The following KCND2 variants were observed in gnomAD, a reference collection of about 807,000 sequenced individuals.
The protein encoded by KCND2 is potassium voltage-gated channel subfamily D member 2.
Under a neutral mutation model 54.4 loss-of-function variants are expected in KCND2, and 16 were observed. That is an observed-to-expected ratio of 0.29 (90% confidence interval 0.20 to 0.45). KCND2 has a LOEUF of 0.45. KCND2 is among the 20% of genes least tolerant of loss of function. The pLI is 1.00. For synonymous variants in KCND2, 317 were observed against 310.7 expected (o/e 1.02, Z -0.21); for missense variants, 486 against 824.2 (o/e 0.59, Z 5.02).
intron 1 of KCND2, among the ~76,000 whole-genome samples, chr7:120,360,279 T>C (rs1800574795): frequency 6.6e-6 from 1 of 152,128 alleles, no homozygotes; most frequent in South Asian, 2.1e-4. Flanking sequence ...GTACATGTCT[T>C]GATATCAAGG....
At chr7:120,294,534 A>G (rs1346545622) in intron 1 of KCND2, among the ~76,000 whole-genome samples, 1 of 151,742 alleles carries the variant, frequency 6.6e-6, no homozygotes, top group East Asian at 1.9e-4. Flanking sequence ...AAAAGTTATG[A>G]TTATGAAATA....
chr7:120,681,356 T>C (rs1792135846), intron 1 of KCND2, among the ~76,000 whole-genome samples: 1 of 152,000 alleles, frequency 6.6e-6, no homozygotes, highest in Non-Finnish European at 1.5e-5. Flanking sequence ...CAGATTCTAT[T>C]ATTGATAGTA....
chr7:120,634,829 G>A (rs1793284090), intron 1 of KCND2, among the ~76,000 whole-genome samples: 1 of 152,128 alleles, frequency 6.6e-6, no homozygotes, highest in Non-Finnish European at 1.5e-5. Flanking sequence ...ACCTTGCAGG[G>A]TAGGGGTCTT....
chr7:120,581,137 C>G (rs7357256), intron 1 of KCND2, among the ~76,000 whole-genome samples: 17,384 of 152,150 alleles, frequency 0.11, 1,576 homozygotes, highest in African/African-American at 0.26. Context: ...GATATAATAA[C>G]GAAGCATACC....
chr7:120,654,724 A>G (rs991073846), intron 1 of KCND2, among the ~76,000 whole-genome samples: 1 of 152,174 alleles, frequency 6.6e-6, no homozygotes, highest in Admixed American at 6.5e-5. Context: ...ATGCCAAGCA[A>G]ATCAGTAAAG....
intron 1 of KCND2, among the ~76,000 whole-genome samples, chr7:120,396,596 T>C (rs1047487370): frequency 6.6e-6 from 1 of 152,010 alleles, no homozygotes; most frequent in Non-Finnish European, 1.5e-5. Flanking sequence ...CTACTAACGT[T>C]GGAAAACAGA....
chr7:120,299,106 G>A (rs1269020170), intron 1 of KCND2, among the ~76,000 whole-genome samples: 3 of 152,118 alleles, frequency 2.0e-5, no homozygotes, highest in African/African-American at 7.2e-5. Context: ...GTGGCAGTGA[G>A]CTGAGATTGT....
intron 1 of KCND2, among the ~76,000 whole-genome samples, chr7:120,378,789 G>A (rs1331787636): frequency 2.6e-5 from 4 of 151,774 alleles, no homozygotes; most frequent in Non-Finnish European, 5.9e-5. Context: ...TTTCTTATTA[G>A]GACTCTTACC....
intron 1 of KCND2, among the ~76,000 whole-genome samples, chr7:120,723,377 A>G (rs1184145298): frequency 6.6e-6 from 1 of 152,226 alleles, no homozygotes; most frequent in Non-Finnish European, 1.5e-5. Context: ...TGGAATTTTC[A>G]GATAATTGCC....
At chr7:120,491,972 A>C (rs1802789669) in intron 1 of KCND2, among the ~76,000 whole-genome samples, 2 of 152,112 alleles carry the variant, frequency 1.3e-5, no homozygotes, top group African/African-American at 2.4e-5. Context: ...CTTTTAATTG[A>C]CTATACCTTG....
intron 1 of KCND2, among the ~76,000 whole-genome samples, chr7:120,544,078 G>GA (rs567753932): frequency 2.6e-5 from 4 of 151,792 alleles, no homozygotes; most frequent in Non-Finnish European, 5.9e-5. Context: ...GTTCTGACAA[G>GA]AAAAAACATT....
intron 1 of KCND2, among the ~76,000 whole-genome samples, chr7:120,724,197 G>A (rs756253951): frequency 6.6e-6 from 1 of 152,170 alleles, no homozygotes; most frequent in South Asian, 2.1e-4. Flanking sequence ...ACAATGACAT[G>A]ATCTTTGACC....
intron 1 of KCND2, among the ~76,000 whole-genome samples, chr7:120,319,582 A>G (rs1040581234): frequency 2.0e-5 from 3 of 152,194 alleles, no homozygotes; most frequent in South Asian, 4.2e-4. Context: ...AAAATAAATA[A>G]CACTCTTGCC....
Position 120,284,872 on chromosome 7 carries a change from CAT to C in KCND2, c.1115+9127_1115+9128del, listed in dbSNP as rs1280386015. 5.3e-5 allele frequency among the ~76,000 whole-genome samples: 8 copies of C among 152,198 alleles called. No homozygotes were observed. In the East Asian group the frequency reaches 1.2e-3, roughly 22 times the overall value. On this transcript the variant is annotated intron_variant, in intron 1 of 5. Coordinates refer to ENST00000331113, the MANE Select transcript of KCND2 (RefSeq NM_012281.3). ...CCACCATTAAACAAAATATTAAAAA[CAT>C]AACAGAGCAGCATCACCAAGCAGTG... is the stretch of plus-strand genomic sequence containing the variant.
At chr7:120,679,373 T>C (rs537340777) in intron 1 of KCND2, among the ~76,000 whole-genome samples, 1 of 152,116 alleles carries the variant, frequency 6.6e-6, no homozygotes, top group African/African-American at 2.4e-5. Context: ...TCTGTTTACC[T>C]CAGAGGCAGG....
rs189516554 is a variant in KCND2, at chr7:120,492,854, A to G, written c.1115+217107A>G. ...CACAAAGCTTATTTTATAATCAAGT[A>G]TTGATGATCATATTTAATTTATTGA... On this transcript the variant is annotated intron_variant, in intron 1 of 5. Transcript: ENST00000331113. Among the ~76,000 whole-genome samples the G allele has an allele frequency of 1.7e-4, 26 of 152,260 alleles. No homozygotes were observed. In the East Asian group the frequency reaches 4.1e-3, roughly 24 times the overall value.
At chr7:120,347,320 T>C (rs1800334214) in intron 1 of KCND2, among the ~76,000 whole-genome samples, 1 of 152,230 alleles carries the variant, frequency 6.6e-6, no homozygotes, top group African/African-American at 2.4e-5. Flanking sequence ...TATATAGTTA[T>C]GATAATAAAC....
intron 1 of KCND2, among the ~76,000 whole-genome samples, chr7:120,295,234 C>G (rs1799490998): frequency 6.6e-6 from 1 of 151,774 alleles, no homozygotes; most frequent in African/African-American, 2.4e-5. Context: ...TCTCTTCTTT[C>G]ATTTATTCAG....
chr7:120,450,799 C>T (rs1480694230), intron 1 of KCND2, among the ~76,000 whole-genome samples: 1 of 152,140 alleles, frequency 6.6e-6, no homozygotes, highest in Non-Finnish European at 1.5e-5. Flanking sequence ...ACCTACTGAT[C>T]TACTGCCCAA....
Sources: gnomAD v4.1 joint callset for allele counts (sites outside exome capture counted in the v4.1 genomes callset) on GRCh38, gnomAD v4.1.1 for gene constraint, MANE v1.5 for transcripts, NCBI Gene and HGNC (gene_info 2026-07-23, HGNC 2026-07-21) for gene names.